Variants in GRIK2 observed in about 807,000 individuals in gnomAD.
GRIK2 encodes the protein glutamate ionotropic receptor kainate type subunit 2.
GRIK2 carries 32 observed loss-of-function variants against 100.3 expected under a neutral mutation model. The ratio of observed to expected loss-of-function variants is 0.32; its 90% CI spans 0.24 to 0.43. GRIK2 has a LOEUF of 0.43. GRIK2 is among the 20% of genes least tolerant of loss of function. The probability of loss-of-function intolerance (pLI) is 1.00; values close to 1 mark genes in which losing one functional copy is unlikely to be tolerated. For synonymous variants in GRIK2, 417 were observed against 389.4 expected, an observed-to-expected ratio of 1.07 and a Z score of -0.83; for missense variants, 843 against 1,114.9, an observed-to-expected ratio of 0.76 and a Z score of 3.47.
At chr6:102,065,642 AT>A (rs1771980966) in intron 16 of GRIK2, among the ~76,000 whole-genome samples, 2 of 151,610 alleles carry the variant, frequency 1.3e-5, no homozygotes, top group Admixed American at 1.3e-4. Flanking sequence ...GGTGTCATAA[AT>A]TTTTGAAGAT....
chr6:101,671,796 G>A (rs897733023), intron 4 of GRIK2, among the ~76,000 whole-genome samples: 15 of 152,068 alleles, frequency 9.9e-5, no homozygotes, highest in Admixed American at 6.6e-5. Context: ...CCCAGGAGGC[G>A]GAGGTTGTAG....
chr6:101,620,201 T>C, intron 2 of GRIK2: 1 of 874,270 alleles, frequency 1.1e-6, no homozygotes, highest in Non-Finnish European at 1.4e-6. Flanking sequence ...AAATGTTATA[T>C]ATAAGGGTAG....
At position 102,068,483 on chromosome 6, in the gene GRIK2, G is replaced by T; in HGVS notation, c.2699G>T (p.Arg900Met). ...VINMHTFNDR[R>M]LPGKETMA Reference sequence around the variant, plus strand: ...AACATGCACACATTTAACGACAGAAGGTTGCCAGGTAAAGAAACCATGGCA... The same window carrying T: ...AACATGCACACATTTAACGACAGAATGTTGCCAGGTAAAGAAACCATGGCA... Residue 900 changes from arginine (R) to methionine (M), a missense_variant, in exon 17 of 17, where the codon AGG becomes ATG. Physicochemically the swap from Arg to Met is moderately conservative, Grantham distance 91. This residue lies in a region of GRIK2 where 87 missense variants were observed against 83.2 expected (regional missense o/e 1.05). Coordinates refer to ENST00000369134, the MANE Select transcript of GRIK2 (RefSeq NM_021956.5). 1 of 1,611,632 alleles carries T rather than the reference G, an allele frequency of 6.2e-7. No individual in the cohort carries two copies.
chr6:101,793,191 G>A (rs1419647547), intron 7 of GRIK2, among the ~76,000 whole-genome samples: 2 of 152,156 alleles, frequency 1.3e-5, no homozygotes, highest in Admixed American at 6.5e-5. Flanking sequence ...ATCATCTGAA[G>A]CCTTCTTCTC....
intron 7 of GRIK2, among the ~76,000 whole-genome samples, chr6:101,786,814 CA>C (rs1223696395): frequency 6.6e-6 from 1 of 152,058 alleles, no homozygotes; most frequent in Non-Finnish European, 1.5e-5. Context: ...CTTTTGGTAT[CA>C]TAATACTGAC....
At chr6:101,792,404 T>G (rs1475485053) in intron 7 of GRIK2, among the ~76,000 whole-genome samples, 1 of 152,126 alleles carries the variant, frequency 6.6e-6, no homozygotes, top group East Asian at 1.9e-4. Context: ...GCAGGCCTGG[T>G]GGTGACAAAA....
chr6:101,538,211 ATTTAG>A (rs1775809132), intron 2 of GRIK2, among the ~76,000 whole-genome samples: 61 of 151,758 alleles, frequency 4.0e-4, no homozygotes, highest in Admixed American at 4.0e-3. Flanking sequence ...ATCATCCAGA[ATTTAG>A]AATCAGTTAA....
At chr6:101,866,780 CCTT>C (rs1302041887) in intron 11 of GRIK2, among the ~76,000 whole-genome samples, 1 of 150,850 alleles carries the variant, frequency 6.6e-6, no homozygotes, top group Non-Finnish European at 1.5e-5. Flanking sequence ...TTTAATTTCC[CCTT>C]CTTTGAATTC....
Position 101,428,525 on chromosome 6 carries a change from G to A in GRIK2, c.115+29133G>A, listed in dbSNP as rs553843543. Among the ~76,000 whole-genome samples the A allele has an allele frequency of 9.9e-5, 15 of 152,166 alleles. No individual in the cohort carries two copies. In the East Asian group the frequency reaches 2.3e-3, roughly 24 times the overall value. Reference sequence around the variant, plus strand: ...TATCACATTCTATTATTTCTAATTTGATTTTTAGAAGACCTATGGAAATGT... The same window carrying A: ...TATCACATTCTATTATTTCTAATTTAATTTTTAGAAGACCTATGGAAATGT... On this transcript the variant is annotated intron_variant, in intron 2 of 16. Coordinates refer to ENST00000369134, the MANE Select transcript of GRIK2 (RefSeq NM_021956.5).
At chr6:101,972,250 G>A (rs1793096867) in intron 14 of GRIK2, among the ~76,000 whole-genome samples, 1 of 151,824 alleles carries the variant, frequency 6.6e-6, no homozygotes, top group African/African-American at 2.4e-5. Context: ...TTTCTCCCGA[G>A]CCTCACCAGC....
chr6:101,427,213 T>C (rs1219079518), intron 2 of GRIK2, among the ~76,000 whole-genome samples: 1 of 152,242 alleles, frequency 6.6e-6, no homozygotes, highest in African/African-American at 2.4e-5. Flanking sequence ...AATGTCAGCA[T>C]TGGCCAGGTG....
At chr6:101,936,241 T>C (rs1790609402) in intron 14 of GRIK2, among the ~76,000 whole-genome samples, 1 of 152,040 alleles carries the variant, frequency 6.6e-6, no homozygotes, top group South Asian at 2.1e-4. Flanking sequence ...TCTAGAAGTC[T>C]GGAAGAAATA....
intron 1 of GRIK2, among the ~76,000 whole-genome samples, chr6:101,398,208 G>C (rs1175537292): frequency 6.6e-6 from 1 of 152,080 alleles, no homozygotes; most frequent in Admixed American, 6.6e-5. Context: ...GAAGAAATTT[G>C]GGCATAAATT....
intron 9 of GRIK2, among the ~76,000 whole-genome samples, chr6:101,811,075 T>C (rs1453400371): frequency 6.6e-6 from 1 of 152,130 alleles, no homozygotes; most frequent in East Asian, 1.9e-4. Context: ...CCAACTTTTT[T>C]CCAAGGGAAG....
chr6:101,960,802 A>T (rs1792250515), intron 14 of GRIK2, among the ~76,000 whole-genome samples: 1 of 152,194 alleles, frequency 6.6e-6, no homozygotes, highest in South Asian at 2.1e-4. Context: ...TTGATTGTGC[A>T]GTCCAATCTC....
At position 102,066,593 on chromosome 6, in the gene GRIK2, C is replaced by A. The variant is rs948591710; in HGVS notation, c.2563-1754C>A. Among the ~76,000 whole-genome samples the A allele has an allele frequency of 7.3e-5, 11 of 151,348 alleles. 1 individual carries two copies. The highest frequency in any genetic ancestry group is 2.7e-4 in the African/African-American group (11 of 41,264). On this transcript the variant is annotated intron_variant, in intron 16 of 16. Coordinates refer to ENST00000369134, the MANE Select transcript of GRIK2 (RefSeq NM_021956.5). ...TGGGATGATGTGAAAGATGAAAGAA[C>A]TCAGCAGGGTACCAGAACAAGGAGA...
At position 101,807,194 on chromosome 6, in the gene GRIK2, T is replaced by C. The variant is rs1781058713; in HGVS notation, c.1203+4756T>C. Reference sequence around the variant, plus strand: ...CCAACATGAGGACAGGGAAAGACAATAGTCAAGGGATCAGTGGGTTGGGGT... The same window carrying C: ...CCAACATGAGGACAGGGAAAGACAACAGTCAAGGGATCAGTGGGTTGGGGT... On this transcript the variant is annotated intron_variant, in intron 9 of 16. Transcript: ENST00000369134. Among the ~76,000 whole-genome samples, 4 of 151,884 alleles carry C rather than the reference T, an allele frequency of 2.6e-5. No individual in the cohort carries two copies. The South Asian group carries it at 6.2e-4, about 24-fold the overall frequency.
At chr6:101,439,944 T>C (rs1393215809) in intron 2 of GRIK2, among the ~76,000 whole-genome samples, 2 of 152,150 alleles carry the variant, frequency 1.3e-5, no homozygotes, top group Non-Finnish European at 2.9e-5. Flanking sequence ...TCATTTGTTA[T>C]TGTTAGTGAG....
At position 101,741,112 on chromosome 6, in the gene GRIK2, G is replaced by A. The variant is rs188860778; in HGVS notation, c.951+54759G>A. On this transcript the variant is annotated intron_variant, in intron 7 of 16. Transcript: ENST00000369134. ...CAAGGTCAGGGAAAGCCACAAGCAT[G>A]CAAGTATGCAACTAGGAAATTTCCC... is the stretch of plus-strand genomic sequence containing the variant. 1.8e-3 allele frequency among the ~76,000 whole-genome samples: 274 copies of A among 152,310 alleles called. 2 individuals carry two copies. Among genetic ancestry groups the A allele is most frequent in the African/African-American group, 6.0e-3 (249 of 41,568 alleles).
Sources: allele counts gnomAD v4.1 joint callset (sites outside exome capture counted in the v4.1 genomes callset), GRCh38; gene constraint gnomAD v4.1.1; regional missense constraint gnomAD v4.1.1; transcripts MANE v1.5; gene names NCBI Gene and HGNC (gene_info 2026-07-23, HGNC 2026-07-21).